The following ZNF438 variants were observed in gnomAD, a reference collection of about 807,000 sequenced individuals.
The protein encoded by ZNF438 is zinc finger protein 438.
Under a neutral mutation model 38.0 loss-of-function variants are expected in ZNF438, and 25 were observed. The observed-to-expected ratio is 0.66, with a 90% CI of 0.48 to 0.92. The LOEUF (loss-of-function observed/expected upper bound fraction) is 0.92, where lower values mean the gene tolerates loss of function less well. Ranked by LOEUF, ZNF438 falls within the 40% of genes least tolerant of loss-of-function variation. The probability of loss-of-function intolerance (pLI) is 0.00; values close to 1 mark genes in which losing one functional copy is unlikely to be tolerated. For synonymous variants in ZNF438, 372 were observed against 364.1 expected (o/e 1.02, Z -0.25); for missense variants, 1,007 against 999.6 (o/e 1.01, Z -0.10).
intron 4 of ZNF438, among the ~76,000 whole-genome samples, chr10:30,868,199 A>C (rs779554322): frequency 5.5e-4 from 84 of 151,790 alleles, no homozygotes; most frequent in Non-Finnish European, 8.4e-4. Flanking sequence ...CCTCCCAAGT[A>C]GCTGGGATTA....
chr10:30,996,616 A>T lies in ZNF438; in HGVS notation c.-192+35217T>A, dbSNP rs546691241. 2.0e-4 allele frequency among the ~76,000 whole-genome samples: 30 copies of T among 152,046 alleles called. No individual in the cohort carries two copies. In the South Asian group the frequency reaches 6.0e-3, roughly 31 times the overall value. On this transcript the variant is annotated intron_variant, in intron 1 of 5. Coordinates refer to ENST00000413025, the Ensembl canonical transcript of ZNF438. ...TACACAATTGAAAAATAATAATTGGAGACTTCCCTCTTTCAATACTAGATA... is the reference window on the plus strand; with the variant it reads ...TACACAATTGAAAAATAATAATTGGTGACTTCCCTCTTTCAATACTAGATA...
intron 1 of ZNF438, among the ~76,000 whole-genome samples, chr10:31,031,340 A>G (rs1163201874): frequency 6.6e-6 from 1 of 152,236 alleles, no homozygotes; most frequent in African/African-American, 2.4e-5. Flanking sequence ...CACAAAAAAG[A>G]AAACTGAGGC....
chr10:30,994,236 C>T (rs1475096149), intron 1 of ZNF438, among the ~76,000 whole-genome samples: 2 of 152,160 alleles, frequency 1.3e-5, no homozygotes, highest in Non-Finnish European at 2.9e-5. Flanking sequence ...TTCTTAAACA[C>T]CAGAAGGACA....
intron 3 of ZNF438, among the ~76,000 whole-genome samples, chr10:30,896,423 T>C (rs756428105): frequency 1.7e-4 from 26 of 152,130 alleles, no homozygotes; most frequent in African/African-American, 5.8e-4. Flanking sequence ...CATTGACAGA[T>C]AGATGGATCA....
chr10:30,904,118 G>A (rs962890445), intron 3 of ZNF438, among the ~76,000 whole-genome samples: 1 of 151,676 alleles, frequency 6.6e-6, no homozygotes, highest in African/African-American at 2.4e-5. Context: ...TCCAAAATTT[G>A]TACTCTCCCC....
At chr10:30,921,052 AT>A (rs1480303560) in intron 2 of ZNF438, 1 of 152,222 alleles carries the variant, frequency 6.6e-6, no homozygotes, top group Admixed American at 6.5e-5. Flanking sequence ...GGCAAAGTTA[AT>A]GTTTCTTGGG....
At chr10:30,907,842 T>A (rs1245256691) in intron 3 of ZNF438, among the ~76,000 whole-genome samples, 1 of 152,064 alleles carries the variant, frequency 6.6e-6, no homozygotes, top group African/African-American at 2.4e-5. Flanking sequence ...CTTTCATCTT[T>A]ATTATTTTCT....
intron 2 of ZNF438, among the ~76,000 whole-genome samples, chr10:30,926,576 G>A (rs1027620887): frequency 3.3e-5 from 5 of 151,688 alleles, no homozygotes; most frequent in Non-Finnish European, 5.9e-5. Flanking sequence ...TGAGACAGGA[G>A]AATCACTTGA....
At chr10:31,006,692 C>T (rs1404414024) in intron 1 of ZNF438, among the ~76,000 whole-genome samples, 1 of 144,662 alleles carries the variant, frequency 6.9e-6, no homozygotes, top group Non-Finnish European at 1.5e-5. Context: ...TGGGATCTGA[C>T]ACTCTCTCCA....
chr10:31,018,113 G>A (rs982403746), intron 1 of ZNF438, among the ~76,000 whole-genome samples: 1 of 152,170 alleles, frequency 6.6e-6, no homozygotes, highest in African/African-American at 2.4e-5. Flanking sequence ...GTCTGCCACT[G>A]TCAGGCCAAG....
intron 1 of ZNF438, among the ~76,000 whole-genome samples, chr10:30,998,751 C>A (rs2054335060): frequency 6.6e-6 from 1 of 151,954 alleles, no homozygotes; most frequent in South Asian, 2.1e-4. Context: ...CTTTTACTTT[C>A]TGTTTATAAC....
At chr10:30,849,055 C>T (rs751179684) in exon 5 of ZNF438, 3 of 1,613,962 alleles carry the variant, frequency 1.9e-6, no homozygotes. Flanking sequence ...TTGGAGAAGC[C>T]AGGGAGGCCA....
At chr10:30,890,083 CAAAAAAAAAAAAAA>C (rs71863439) in intron 3 of ZNF438, among the ~76,000 whole-genome samples, 1 of 93,382 alleles carries the variant, frequency 1.1e-5, no homozygotes, top group Non-Finnish European at 2.3e-5. Context: ...TTGGCATTTC[CAAAAAAAAAAAAAA>C]AAAAAAGAAA....
At chr10:30,930,662 C>G (rs1197993911) in intron 2 of ZNF438, among the ~76,000 whole-genome samples, 1 of 151,500 alleles carries the variant, frequency 6.6e-6, no homozygotes, top group African/African-American at 2.4e-5. Context: ...CAAAAATTAG[C>G]CGGCCATGGT....
At chr10:30,951,928 A>G (rs2048252755) in intron 1 of ZNF438, among the ~76,000 whole-genome samples, 1 of 151,798 alleles carries the variant, frequency 6.6e-6, no homozygotes. Context: ...ACCAAAAAAG[A>G]GCCCGCATTG....
intron 4 of ZNF438, among the ~76,000 whole-genome samples, chr10:30,852,344 G>C (rs1376829244): frequency 6.6e-6 from 1 of 151,712 alleles, no homozygotes; most frequent in Non-Finnish European, 1.5e-5. Flanking sequence ...AAGTAACTGG[G>C]ATTACAGGCA....
In ZNF438 at chr10:30,958,064, GC is replaced by G. The variant is rs1245785997; in HGVS notation, c.-191-16414del. Among the ~76,000 whole-genome samples, 2 of 146,530 alleles carry G rather than the reference GC, an allele frequency of 1.4e-5. 1 individual carries two copies. Among genetic ancestry groups the G allele is most frequent in the Non-Finnish European group, 3.1e-5 (2 of 64,620 alleles). On this transcript the variant is annotated intron_variant, in intron 1 of 5. Coordinates refer to ENST00000413025, the Ensembl canonical transcript of ZNF438. ...TGTTCTTTTTCCCAATGTTGCTTTG[GC>G]TACTCGAGGTCTTTTGTAGTTCCAT...
In ZNF438 at chr10:30,985,329, G is replaced by A. The variant is rs1054106802; in HGVS notation, c.-191-43678C>T. The stretch of plus-strand genomic sequence containing the variant: ...AGACAGGACAGAGAAAGTGTTTTAC[G>A]TATTATTCTCTAAAGCATGACTTTT... On this transcript the variant is annotated intron_variant, in intron 1 of 5. Coordinates refer to ENST00000413025, the Ensembl canonical transcript of ZNF438. 7.2e-5 allele frequency among the ~76,000 whole-genome samples: 11 copies of A among 152,104 alleles called. No homozygotes were observed. The East Asian group carries it at 9.6e-4, about 13-fold the overall frequency.
chr10:30,950,489 G>A (rs2048038135), intron 1 of ZNF438, among the ~76,000 whole-genome samples: 1 of 151,398 alleles, frequency 6.6e-6, no homozygotes, highest in Admixed American at 6.6e-5. Flanking sequence ...CAACAAAATT[G>A]ATAGACTGCT....
Sources: allele counts gnomAD v4.1 joint callset (sites outside exome capture counted in the v4.1 genomes callset), GRCh38; gene constraint gnomAD v4.1.1; transcripts MANE v1.5; gene names NCBI Gene and HGNC (gene_info 2026-07-23, HGNC 2026-07-21).